Variants in AGPAT3 observed in about 807,000 individuals in gnomAD.
The protein encoded by AGPAT3 is 1-acylglycerol-3-phosphate O-acyltransferase 3.
Under a neutral mutation model 47.3 loss-of-function variants are expected in AGPAT3, and 5 were observed. That is an observed-to-expected ratio of 0.11 (90% CI 0.06 to 0.22). The LOEUF (loss-of-function observed/expected upper bound fraction) is 0.22, where lower values mean the gene tolerates loss of function less well. AGPAT3 is among the 10% of genes least tolerant of loss of function. The pLI is 1.00. For missense variants in AGPAT3, 315 were observed against 493.0 expected, an observed-to-expected ratio of 0.64 and a Z score of 3.42; for synonymous variants, 212 against 208.3, an observed-to-expected ratio of 1.02 and a Z score of -0.15.
chr21:43,921,716 C>T (rs989893391), intron 2 of AGPAT3, among the ~76,000 whole-genome samples: 3 of 152,268 alleles, frequency 2.0e-5, no homozygotes, highest in East Asian at 3.9e-4. Context: ...TCGCTGGGTC[C>T]GCAATCAAAA....
At chr21:43,885,915 G>A (rs548517156) in intron 1 of AGPAT3, among the ~76,000 whole-genome samples, 70 of 152,366 alleles carry the variant, frequency 4.6e-4, no homozygotes, top group African/African-American at 1.3e-3. Flanking sequence ...ACTGAGGAGC[G>A]GGCCAGTGCT....
At chr21:43,975,535 G>A (rs2089583515) in intron 7 of AGPAT3, among the ~76,000 whole-genome samples, 1 of 152,164 alleles carries the variant, frequency 6.6e-6, no homozygotes. Context: ...TCAGTTCCTA[G>A]ACAGAAGTGT....
chr21:43,911,587 G>A (rs1304696954), intron 2 of AGPAT3, among the ~76,000 whole-genome samples: 1 of 152,180 alleles, frequency 6.6e-6, no homozygotes, highest in Admixed American at 6.5e-5. Context: ...GTCTGGTGCC[G>A]TTCATAAGTT....
chr21:43,945,640 A>G (rs2087852734), intron 2 of AGPAT3, among the ~76,000 whole-genome samples: 1 of 151,862 alleles, frequency 6.6e-6, no homozygotes, highest in Non-Finnish European at 1.5e-5. Context: ...TGGCCCTGTG[A>G]GGTGACACTC....
chr21:43,917,074 G>A (rs971427755), intron 2 of AGPAT3, among the ~76,000 whole-genome samples: 13 of 151,908 alleles, frequency 8.6e-5, no homozygotes, highest in Admixed American at 3.3e-4. Context: ...CCCCACTCCC[G>A]GGCACCCTGC....
intron 2 of AGPAT3, among the ~76,000 whole-genome samples, chr21:43,951,233 G>A (rs1383173110): frequency 2.6e-5 from 4 of 152,202 alleles, no homozygotes; most frequent in Admixed American, 2.0e-4. Context: ...AAGAGGAAGG[G>A]GGGAAGGAGG....
At chr21:43,947,386 C>T (rs1486090792) in intron 2 of AGPAT3, among the ~76,000 whole-genome samples, 1 of 152,224 alleles carries the variant, frequency 6.6e-6, no homozygotes, top group Admixed American at 6.5e-5. Context: ...CCGTGTGGGT[C>T]TCATAAGAGA....
intron 2 of AGPAT3, among the ~76,000 whole-genome samples, chr21:43,926,759 A>G (rs1181569124): frequency 1.3e-5 from 2 of 149,782 alleles, no homozygotes; most frequent in African/African-American, 4.9e-5. Context: ...CAGGAGTTCA[A>G]GACCAGCCTG....
intron 1 of AGPAT3, among the ~76,000 whole-genome samples, chr21:43,899,848 A>G (rs1343423171): frequency 3.9e-5 from 6 of 152,142 alleles, no homozygotes; most frequent in Admixed American, 2.6e-4. Context: ...AGCCCCGGTG[A>G]TGCTCTCTTG....
rs977780372 is a variant in AGPAT3 at position 43,934,472 on chromosome 21, T to G, written c.-48-25162T>G. On this transcript the variant is annotated intron_variant, in intron 2 of 9. Transcript: ENST00000291572. This position sits in a 1 kb window ranked among gnomAD's most constrained non-coding sequence, Gnocchi z 4.7. ...GTTGGTAGAGTCAGGAGGCTGGGCC[T>G]CCACTAGGATGTTATACAGGCAGCA... is the stretch of plus-strand genomic sequence containing the variant. Among the ~76,000 whole-genome samples, 1 of 152,202 alleles carries G rather than the reference T, an allele frequency of 6.6e-6. No homozygotes were observed. The highest frequency in any genetic ancestry group is 2.4e-5 in the African/African-American group (1 of 41,450).
chr21:43,972,557 C>G (rs1407683700), intron 7 of AGPAT3, among the ~76,000 whole-genome samples: 1 of 152,082 alleles, frequency 6.6e-6, no homozygotes, highest in Non-Finnish European at 1.5e-5. Context: ...CCAGGAGGAG[C>G]CTGGGGCTTG....
In AGPAT3 at chr21:43,967,370, G is replaced by A. The variant is rs189399953; in HGVS notation, c.179-576G>A. The A allele has an allele frequency of 2.3e-3, 356 of 153,022 alleles. 2 individuals are homozygous for A. Among genetic ancestry groups the A allele is most frequent in the Non-Finnish European group, 3.6e-3 (248 of 68,570 alleles). 9.5% of individuals were successfully genotyped at this position (153,022 alleles called of 1,614,324 possible). A position where few individuals can be genotyped will look rare whatever the true frequency, so the allele number is the denominator to read the frequency against. On this transcript the variant is annotated intron_variant, in intron 3 of 9. Transcript: ENST00000291572. ...CCGCAGGCCTCTGGCCACCTGCCCAGCAGCAAGCCCCGTCGAGCACCCCCA... is the reference window on the plus strand; with the variant it reads ...CCGCAGGCCTCTGGCCACCTGCCCAACAGCAAGCCCCGTCGAGCACCCCCA...
intron 3 of AGPAT3, among the ~76,000 whole-genome samples, chr21:43,961,999 T>TTC: frequency 6.7e-6 from 1 of 148,516 alleles, no homozygotes; most frequent in South Asian, 2.1e-4. Context: ...GGTTTGTTTT[T>TTC]TCTCTTTTTT....
intron 8 of AGPAT3, among the ~76,000 whole-genome samples, chr21:43,978,868 T>TTC (rs1342466591): frequency 6.6e-6 from 1 of 152,224 alleles, no homozygotes; most frequent in African/African-American, 2.4e-5. Flanking sequence ...AAGAACTACT[T>TTC]TCTCTTTGTT....
At chr21:43,915,547 G>A (rs971268996) in intron 2 of AGPAT3, among the ~76,000 whole-genome samples, 4 of 150,474 alleles carry the variant, frequency 2.7e-5, no homozygotes, top group Non-Finnish European at 4.4e-5. Context: ...GAGTAGCTGG[G>A]ATTACAGGCA....
chr21:43,875,374 A>G (rs1182539549), intron 1 of AGPAT3, among the ~76,000 whole-genome samples: 1 of 152,166 alleles, frequency 6.6e-6, no homozygotes, highest in Non-Finnish European at 1.5e-5. Context: ...TTTCCACCCA[A>G]ATATCTTTGA....
intron 2 of AGPAT3, among the ~76,000 whole-genome samples, chr21:43,918,175 G>GGGT (rs1199645742): frequency 2.0e-3 from 306 of 149,942 alleles, no homozygotes; most frequent in Non-Finnish European, 3.1e-3. Context: ...TGTGGGTGTT[G>GGGT]TGGGAGTTGT....
intron 1 of AGPAT3, among the ~76,000 whole-genome samples, chr21:43,869,015 C>T (rs993255271): frequency 6.6e-5 from 10 of 152,166 alleles, no homozygotes; most frequent in African/African-American, 1.4e-4. Context: ...ATTTCTGAAA[C>T]GGAGACTAAG....
Position 43,982,318 on chromosome 21 carries a change from C to T in AGPAT3, c.1057C>T (p.Arg353Cys). The change falls in exon 10 of 10, where the codon CGC (arginine) becomes TGC (cysteine). Residue 353 changes from arginine to cysteine, a missense_variant. By Grantham distance (180) the Arg-to-Cys change is radical. Transcript: ENST00000291572. The surrounding 1 kb of genome is among the most constrained non-coding windows in gnomAD (Gnocchi z 6.2). ...GFVGAASFGV[R>C]RLIGVTEIEK... ...TGTCTTGAAAGCTTCCTTTGGAGTT[C>T]GCAGACTGATAGGAGTAACTGAGAT... 3 of 1,613,472 alleles carry T rather than the reference C, an allele frequency of 1.9e-6. No individual in the cohort carries two copies. Among genetic ancestry groups the T allele is most frequent in the Non-Finnish European group, 2.5e-6 (3 of 1,179,704 alleles).
Sources: gnomAD v4.1 joint callset for allele counts (sites outside exome capture counted in the v4.1 genomes callset) on GRCh38, gnomAD v4.1.1 for gene constraint, Gnocchi (gnomAD v3.1) non-coding constraint, MANE v1.5 for transcripts, NCBI Gene and HGNC (gene_info 2026-07-23, HGNC 2026-07-21) for gene names.